Variants in CDCP1 observed in about 807,000 individuals in gnomAD.
CDCP1 encodes the protein CUB domain containing protein 1, also known as CUB domain-containing protein 1.
CDCP1 carries 29 observed loss-of-function variants against 60.2 expected under a neutral mutation model. That is an observed-to-expected ratio of 0.48 (90% CI 0.36 to 0.66). The LOEUF is 0.66. Among genes scored for constraint, CDCP1 ranks in the 30% least tolerant of loss-of-function variants. The probability of loss-of-function intolerance (pLI) is 0.00; values close to 1 mark genes in which losing one functional copy is unlikely to be tolerated. For synonymous variants in CDCP1, 387 were observed against 431.1 expected, an observed-to-expected ratio of 0.90 and a Z score of 1.27; for missense variants, 876 against 1,074.3, an observed-to-expected ratio of 0.82 and a Z score of 2.58.
intron 1 of CDCP1, among the ~76,000 whole-genome samples, chr3:45,119,474 T>C (rs1285481850): frequency 6.6e-6 from 1 of 152,120 alleles, no homozygotes; most frequent in Non-Finnish European, 1.5e-5. Flanking sequence ...GCTGATGGCC[T>C]GGGAACAGCA....
chr3:45,130,499 C>T (rs896987230), intron 1 of CDCP1, among the ~76,000 whole-genome samples: 15 of 152,182 alleles, frequency 9.9e-5, no homozygotes, highest in African/African-American at 2.4e-4. Flanking sequence ...GCTCCTCTCC[C>T]GCCATCCTTC....
intron 4 of CDCP1, among the ~76,000 whole-genome samples, chr3:45,104,796 G>A (rs1698533498): frequency 6.6e-6 from 1 of 152,184 alleles, no homozygotes; most frequent in Admixed American, 6.5e-5. Flanking sequence ...GCTCACGCCT[G>A]TAATCCTGGC....
intron 2 of CDCP1, among the ~76,000 whole-genome samples, chr3:45,114,578 G>A (rs909313706): frequency 6.6e-6 from 1 of 151,842 alleles, no homozygotes; most frequent in African/African-American, 2.4e-5. Context: ...CCATGCCTGG[G>A]TAATTTCTTT....
rs1202723364 is a variant in CDCP1 at position 45,088,961 on chromosome 3, C to G, written c.2081+93G>C. 3.7e-5 allele frequency: 38 copies of G among 1,023,488 alleles called. No homozygotes were observed. In the Admixed American group the frequency reaches 7.6e-4, roughly 20 times the overall value. The allele number at this position is 1,023,488 out of a possible 1,614,324, so 63.4% of individuals were successfully genotyped here. A position where few individuals can be genotyped will look rare whatever the true frequency, so the allele number is the denominator to read the frequency against. The stretch of plus-strand genomic sequence containing the variant: ...GATCTTTGGGGGAAAAAATGGGAAG[C>G]AAGAAAACAAAGTCAATAATGAACA... On this transcript the variant is annotated intron_variant, in intron 8 of 8. Coordinates refer to ENST00000296129, the MANE Select transcript of CDCP1 (RefSeq NM_022842.5).
chr3:45,088,270 T>C (rs1698234034), intron 8 of CDCP1, among the ~76,000 whole-genome samples: 1 of 151,868 alleles, frequency 6.6e-6, no homozygotes, highest in Non-Finnish European at 1.5e-5. Flanking sequence ...TCACTTGAGG[T>C]CAGGCGTTTA....
At chr3:45,088,915 C>G (rs1698244772) in intron 8 of CDCP1, 139 bp downstream of exon 8, 2 of 726,864 alleles carry the variant, frequency 2.8e-6, no homozygotes, top group Middle Eastern at 2.4e-4. Context: ...TGACTCACAC[C>G]TGGCAATATT....
rs375244358 is a variant in CDCP1 at position 45,110,427 on chromosome 3, C to T, written c.1024+46G>A. On this transcript the variant is annotated intron_variant, in intron 4 of 8. Transcript: ENST00000296129. ...CCCAGGCAGACTACCCAGGAAACAA[C>T]GAAGGTGCTGGAGGAGGAAGAAAAA... 44 of 1,597,112 alleles carry T rather than the reference C, an allele frequency of 2.8e-5. No homozygotes were observed. In the Admixed American group the frequency reaches 3.6e-4, roughly 13 times the overall value.
At position 45,110,706 on chromosome 3, in the gene CDCP1, A is replaced by G. The variant is rs770219390; in HGVS notation, c.791T>C (p.Val264Ala). 1.9e-6 allele frequency: 3 copies of G among 1,614,022 alleles called. No individual in the cohort carries two copies. Among genetic ancestry groups the G allele is most frequent in the Non-Finnish European group, 2.5e-6 (3 of 1,180,038 alleles). The change falls in exon 4 of 9, where the codon GTC becomes GCC. Residue 264 changes from valine to alanine, a missense_variant. By Grantham distance (64) the Val-to-Ala change is moderately conservative (BLOSUM62 0). Around this residue, in one of 2 missense-constraint regions of CDCP1, gnomAD observed 726 missense variants for 935.7 expected, o/e 0.78. Transcript: ENST00000296129. ...FVVPAHLRAS[V>A]SFLNFNLSNC... ...GGAGAGGTTGAAGTTGAGGAAGGAGACGCTGGCCCGCAGGTGTGCAGGAAC... is the reference window on the plus strand; with the variant it reads ...GGAGAGGTTGAAGTTGAGGAAGGAGGCGCTGGCCCGCAGGTGTGCAGGAAC...
intron 1 of CDCP1, among the ~76,000 whole-genome samples, chr3:45,125,376 T>A (rs113038458): frequency 6.6e-6 from 1 of 152,128 alleles, no homozygotes; most frequent in African/African-American, 2.4e-5. Flanking sequence ...AGAATCAAAC[T>A]GTCTAGGGTC....
chr3:45,109,275 T>TATAC (rs1256921434), intron 4 of CDCP1, among the ~76,000 whole-genome samples: 1 of 151,888 alleles, frequency 6.6e-6, no homozygotes, highest in Non-Finnish European at 1.5e-5. Context: ...ATACACACAT[T>TATAC]ATACATACAT....
upstream of CDCP1, chr3:45,146,448 C>G (rs1167672798): frequency 1.9e-6 from 1 of 533,140 alleles, no homozygotes. Flanking sequence ...CGAGCTGACC[C>G]GGTGCGTCCC....
chr3:45,108,852 CATATATATGCATGT>C lies in CDCP1; in HGVS notation c.1024+1607_1024+1620del, dbSNP rs1174403115. The stretch of plus-strand genomic sequence containing the variant: ...ATGTATATATATATATGCATGTATA[CATATATATGCATGT>C]ATATATATATATGCATGTATACATA... On this transcript the variant is annotated intron_variant, in intron 4 of 8. Transcript: ENST00000296129. Among the ~76,000 whole-genome samples the C allele has an allele frequency of 1.7e-4, 7 of 42,122 alleles. 1 individual carries two copies. The highest frequency in any genetic ancestry group is 1.0e-3 in the South Asian group (1 of 990). The allele number at this position is 42,122 out of a possible 152,430, so 27.6% of individuals were successfully genotyped here.
At chr3:45,098,505 G>A (rs1226466017) in intron 4 of CDCP1, among the ~76,000 whole-genome samples, 4 of 152,022 alleles carry the variant, frequency 2.6e-5, no homozygotes, top group Non-Finnish European at 5.9e-5. Flanking sequence ...CCGTTCCATT[G>A]CTGCCTATGG....
At chr3:45,097,707 C>G (rs1434447937) in intron 4 of CDCP1, among the ~76,000 whole-genome samples, 1 of 152,120 alleles carries the variant, frequency 6.6e-6, no homozygotes, top group African/African-American at 2.4e-5. Context: ...TTGATGGACT[C>G]TCTCCTCTTG....
Position 45,110,827 on chromosome 3 carries a change from CGAT to C in CDCP1, c.667_669del (p.Ile223del). 1.9e-6 allele frequency: 3 copies of C among 1,612,770 alleles called. No individual in the cohort carries two copies. The highest frequency in any genetic ancestry group is 2.5e-6 in the Non-Finnish European group (3 of 1,179,324). ...GAGCCTTCACCCTCAAACACAGACTCGATGATGCACAGACCTAGTGGGAGTGGA... is the reference window on the plus strand; with the variant it reads ...GAGCCTTCACCCTCAAACACAGACTCGATGCACAGACCTAGTGGGAGTGGA... On this transcript the variant is annotated inframe_deletion, in exon 4 of 9. Transcript: ENST00000296129.
intron 4 of CDCP1, among the ~76,000 whole-genome samples, chr3:45,097,387 A>T (rs559018372): frequency 2.5e-4 from 38 of 152,166 alleles, no homozygotes; most frequent in African/African-American, 8.9e-4. Flanking sequence ...ATAGATTACC[A>T]GATTGGTTTA....
chr3:45,104,857 C>A (rs148099513), intron 4 of CDCP1, among the ~76,000 whole-genome samples: 1,528 of 152,284 alleles, frequency 0.01, 27 homozygotes, highest in African/African-American at 0.035. Context: ...TGTTTGAGAC[C>A]AGTCTGACCA....
intron 4 of CDCP1, among the ~76,000 whole-genome samples, chr3:45,101,690 C>T (rs1237544118): frequency 6.6e-6 from 1 of 152,100 alleles, no homozygotes; most frequent in East Asian, 1.9e-4. Flanking sequence ...AGTTCGAGAC[C>T]AGCCTGGCCA....
chr3:45,097,962 C>T (rs574707435), intron 4 of CDCP1, among the ~76,000 whole-genome samples: 1 of 152,206 alleles, frequency 6.6e-6, no homozygotes, highest in Admixed American at 6.5e-5. Context: ...TCACCTGGCC[C>T]CACATCCAGC....
Sources: gnomAD v4.1 joint callset for allele counts (sites outside exome capture counted in the v4.1 genomes callset) on GRCh38, gnomAD v4.1.1 for gene constraint, gnomAD v4.1.1 regional missense constraint, MANE v1.5 for transcripts, NCBI Gene and HGNC (gene_info 2026-07-23, HGNC 2026-07-21) for gene names.